RASSF3: variants seen among roughly 807,000 people sequenced by gnomAD.
The protein encoded by RASSF3 is Ras association domain family member 3, also known as ras association domain-containing protein 3.
Under a neutral mutation model 19.9 loss-of-function variants are expected in RASSF3, and 19 were observed. That is an observed-to-expected ratio of 0.96 (90% CI 0.67 to 1.40). The LOEUF is 1.40. Among genes scored for constraint, RASSF3 ranks in the 40% most tolerant of loss-of-function variants. RASSF3 has a pLI of 0.00. For missense variants in RASSF3, 306 were observed against 289.8 expected (o/e 1.06, Z -0.41); for synonymous variants, 110 against 104.2 (o/e 1.06, Z -0.34).
chr12:64,529,848 A>G (rs777135340), upstream of RASSF3, among the ~76,000 whole-genome samples: 5 of 152,226 alleles, frequency 3.3e-5, no homozygotes, highest in Non-Finnish European at 7.3e-5. Context: ...CCAAAGTATT[A>G]CTATGACAAA....
chr12:64,615,490 T>G (rs1221865389), intron 1 of RASSF3, among the ~76,000 whole-genome samples: 1 of 152,184 alleles, frequency 6.6e-6, no homozygotes, highest in Admixed American at 6.5e-5. Context: ...ACTTCACCCT[T>G]TCGGTTTTCT....
intron 2 of RASSF3, among the ~76,000 whole-genome samples, chr12:64,559,102 A>G (rs1202273408): frequency 6.6e-6 from 1 of 152,150 alleles, no homozygotes; most frequent in Non-Finnish European, 1.5e-5. Flanking sequence ...CAGCTCTGCT[A>G]CTGTCACTTC....
chr12:64,675,528 G>A (rs560560413), intron 1 of RASSF3, among the ~76,000 whole-genome samples: 1 of 152,242 alleles, frequency 6.6e-6, no homozygotes, highest in African/African-American at 2.4e-5. Context: ...AGTGAAGGAG[G>A]AGGAAGAACA....
Position 64,695,272 on chromosome 12 carries a change from T to A in RASSF3, c.*360T>A, listed in dbSNP as rs1868338590. 1.1e-5 allele frequency: 2 copies of A among 175,052 alleles called. No homozygotes were observed. The highest frequency in any genetic ancestry group is 1.2e-4 in the Admixed American group (2 of 16,294). The allele number at this position is 175,052 out of a possible 1,614,324, so 10.8% of individuals were successfully genotyped here. A position where few individuals can be genotyped will look rare whatever the true frequency, so the allele number is the denominator to read the frequency against. On this transcript the variant is annotated 3_prime_UTR_variant, in exon 5 of 5. Coordinates refer to ENST00000542104, the MANE Select transcript of RASSF3 (RefSeq NM_178169.4). ...AGCTTACAGATATGCAGTTGATTTT[T>A]TAAAAAGCTTAACTAGGAATCTTTC...
intron 2 of RASSF3, among the ~76,000 whole-genome samples, chr12:64,547,840 G>T (rs1869095355): frequency 6.6e-6 from 1 of 152,120 alleles, no homozygotes; most frequent in Non-Finnish European, 1.5e-5. Flanking sequence ...AACAATGCAT[G>T]ATTATTAAAG....
intron 1 of RASSF3, among the ~76,000 whole-genome samples, chr12:64,647,233 T>TTTTATTTA (rs138759867): frequency 2.6e-5 from 4 of 151,082 alleles, no homozygotes; most frequent in African/African-American, 9.8e-5. Context: ...TCAGCAAGGG[T>TTTTATTTA]TTTATTTATT....
intron 2 of RASSF3, among the ~76,000 whole-genome samples, chr12:64,565,483 G>C (rs11834376): frequency 0.077 from 11,718 of 152,168 alleles, 533 homozygotes; most frequent in South Asian, 0.13. Flanking sequence ...GAGACCGAGG[G>C]AGGTGGATCA....
At chr12:64,644,833 A>T (rs1871675408) in intron 1 of RASSF3, among the ~76,000 whole-genome samples, 1 of 152,198 alleles carries the variant, frequency 6.6e-6, no homozygotes, top group South Asian at 2.1e-4. Context: ...GGGAATACCC[A>T]GAGGTTTGTG....
chr12:64,595,456 G>C (rs1019841872), intron 2 of RASSF3, among the ~76,000 whole-genome samples: 7 of 152,164 alleles, frequency 4.6e-5, no homozygotes, highest in African/African-American at 1.4e-4. Flanking sequence ...GCACCTGGAA[G>C]TCCAAAACCA....
At chr12:64,581,081 A>G (rs1245347269) in intron 2 of RASSF3, among the ~76,000 whole-genome samples, 1 of 151,744 alleles carries the variant, frequency 6.6e-6, no homozygotes, top group African/African-American at 2.4e-5. Flanking sequence ...TTGAATCACA[A>G]TGCAAAAATG....
chr12:64,574,140 T>TA lies in RASSF3; in HGVS notation c.294+32448dup, dbSNP rs879583167. 7.5e-3 allele frequency among the ~76,000 whole-genome samples: 1,052 copies of TA among 140,426 alleles called. 6 individuals carry two copies. The highest frequency in any genetic ancestry group is 0.018 in the African/African-American group (694 of 38,406). The allele number at this position is 140,426 out of a possible 152,430, so 92.1% of individuals were successfully genotyped here. On this transcript the variant is annotated intron_variant, in intron 2 of 5. Transcript: ENST00000637125. ...CAACATGGTGAAAGCCTGCCTCTAC[T>TA]AAAAAAAAAAAAATACAAAAATTAG... is the stretch of plus-strand genomic sequence containing the variant.
upstream of RASSF3, among the ~76,000 whole-genome samples, chr12:64,607,246 T>C (rs1870209675): frequency 6.6e-6 from 1 of 150,486 alleles, no homozygotes; most frequent in East Asian, 2.0e-4. Context: ...ATGGCACCAC[T>C]GCACTCCAGC....
At chr12:64,612,479 CT>C (rs369436937) in intron 1 of RASSF3, among the ~76,000 whole-genome samples, 390 of 119,368 alleles carry the variant, frequency 3.3e-3, no homozygotes, top group Middle Eastern at 0.014. Context: ...TTTAGCGTTT[CT>C]TTTTTTTTTT....
chr12:64,661,221 C>T (rs1354161232), intron 1 of RASSF3, among the ~76,000 whole-genome samples: 1 of 152,152 alleles, frequency 6.6e-6, no homozygotes, highest in Non-Finnish European at 1.5e-5. Flanking sequence ...ATAGCAGGTT[C>T]TTGGGCTGGG....
At chr12:64,586,725 C>G (rs924253520) in intron 2 of RASSF3, among the ~76,000 whole-genome samples, 2 of 151,824 alleles carry the variant, frequency 1.3e-5, no homozygotes, top group African/African-American at 4.8e-5. Context: ...GAGTACAAGA[C>G]CAGCCTGGCC....
intron 1 of RASSF3, among the ~76,000 whole-genome samples, chr12:64,674,041 A>G (rs971358359): frequency 6.6e-6 from 1 of 152,120 alleles, no homozygotes; most frequent in Non-Finnish European, 1.5e-5. Context: ...AAGCTCTTTT[A>G]ATGTGTATCA....
chr12:64,633,923 C>T (rs2136175540), intron 1 of RASSF3, among the ~76,000 whole-genome samples: 1 of 152,120 alleles, frequency 6.6e-6, no homozygotes, highest in African/African-American at 2.4e-5. Flanking sequence ...TGCTTGAGCT[C>T]AGGAGTTTGA....
chr12:64,600,571 T>C (rs1565846749), intron 2 of RASSF3, among the ~76,000 whole-genome samples: 1 of 152,208 alleles, frequency 6.6e-6, no homozygotes, highest in Non-Finnish European at 1.5e-5. Context: ...GATTTTGTTT[T>C]TTTTCTTTCT....
At chr12:64,619,606 G>C (rs564217885) in intron 1 of RASSF3, among the ~76,000 whole-genome samples, 4 of 152,218 alleles carry the variant, frequency 2.6e-5, no homozygotes, top group African/African-American at 9.6e-5. Context: ...GGTGAGTTTG[G>C]GAATTGGAGA....
Sources: allele counts gnomAD v4.1 joint callset (sites outside exome capture counted in the v4.1 genomes callset), GRCh38; gene constraint gnomAD v4.1.1; transcripts MANE v1.5; gene names NCBI Gene and HGNC (gene_info 2026-07-23, HGNC 2026-07-21).